The following PLEKHM3 variants were observed in gnomAD, a reference collection of about 807,000 sequenced individuals.
The protein encoded by PLEKHM3 is pleckstrin homology domain-containing family M member 3.
In PLEKHM3, 45 loss-of-function variants were observed where a neutral mutation model predicts 81.8. That is an observed-to-expected ratio of 0.55 (90% confidence interval 0.43 to 0.71). PLEKHM3 has a LOEUF of 0.71. PLEKHM3 is among the 30% of genes least tolerant of loss of function. The probability of loss-of-function intolerance (pLI) is 0.00; values close to 1 mark genes in which losing one functional copy is unlikely to be tolerated. For synonymous variants in PLEKHM3, 352 were observed against 356.4 expected, an observed-to-expected ratio of 0.99 and a Z score of 0.14; for missense variants, 788 against 924.3, an observed-to-expected ratio of 0.85 and a Z score of 1.91.
At chr2:207,963,315 T>C (rs1286377223) in intron 3 of PLEKHM3, among the ~76,000 whole-genome samples, 1 of 151,966 alleles carries the variant, frequency 6.6e-6, no homozygotes, top group African/African-American at 2.4e-5. Flanking sequence ...TGGAACAGTG[T>C]GTAAGGGAGA....
chr2:207,930,846 C>A, intron 5 of PLEKHM3, 80 bp downstream of exon 5: 2 of 1,504,768 alleles, frequency 1.3e-6, no homozygotes, highest in Non-Finnish European at 1.8e-6. Flanking sequence ...GCTGGAAAGG[C>A]CCTTTGGAGA....
intron 1 of PLEKHM3, among the ~76,000 whole-genome samples, chr2:208,014,354 G>A (rs1245462679): frequency 6.6e-6 from 1 of 152,216 alleles, no homozygotes; most frequent in Non-Finnish European, 1.5e-5. Flanking sequence ...GATAAGAATA[G>A]TAGGAACTGG....
chr2:207,890,187 T>C (rs1261606359), intron 6 of PLEKHM3, among the ~76,000 whole-genome samples: 4 of 152,224 alleles, frequency 2.6e-5, no homozygotes, highest in Non-Finnish European at 4.4e-5. Context: ...GTATAAATTA[T>C]AGAGCATCCT....
At chr2:207,885,789 A>G (rs1170842046) in intron 6 of PLEKHM3, among the ~76,000 whole-genome samples, 1 of 152,246 alleles carries the variant, frequency 6.6e-6, no homozygotes, top group Non-Finnish European at 1.5e-5. Flanking sequence ...TTAGGATTGC[A>G]GTTCTGATAG....
intron 5 of PLEKHM3, among the ~76,000 whole-genome samples, chr2:207,920,532 C>T (rs1574406886): frequency 6.6e-6 from 1 of 151,972 alleles, no homozygotes; most frequent in East Asian, 1.9e-4. Flanking sequence ...GTCCAAACAG[C>T]TGGTGTCAGT....
chr2:207,955,484 C>T (rs568474556), intron 3 of PLEKHM3, among the ~76,000 whole-genome samples: 2 of 152,190 alleles, frequency 1.3e-5, no homozygotes, highest in African/African-American at 2.4e-5. Flanking sequence ...GACAGGCTTA[C>T]TATAAGCCAG....
chr2:207,880,574 T>C (rs1248486079), intron 6 of PLEKHM3, among the ~76,000 whole-genome samples: 2 of 148,968 alleles, frequency 1.3e-5, no homozygotes, highest in Non-Finnish European at 3.0e-5. Flanking sequence ...CCATCTTGGC[T>C]AACACGGTGA....
At position 207,976,158 on chromosome 2, in the gene PLEKHM3, A is replaced by AT. The variant is rs549253139; in HGVS notation, c.1546+492dup. On this transcript the variant is annotated intron_variant, in intron 3 of 7. Coordinates refer to ENST00000427836, the MANE Select transcript of PLEKHM3 (RefSeq NM_001080475.3). This position sits in a 1 kb window ranked among gnomAD's most constrained non-coding sequence, Gnocchi z 4.1. ...ACCCCCACATTTTCTGTCAAGACTGATTTTCTAGATTTCACCTTAAGACGA... is the reference window on the plus strand; with the variant it reads ...ACCCCCACATTTTCTGTCAAGACTGATTTTTCTAGATTTCACCTTAAGACGA... Among the ~76,000 whole-genome samples, 8 of 152,194 alleles carry AT rather than the reference A, an allele frequency of 5.3e-5. No homozygotes were observed. The South Asian group carries it at 1.0e-3, about 20-fold the overall frequency.
At chr2:207,923,502 G>A (rs900642746) in intron 5 of PLEKHM3, among the ~76,000 whole-genome samples, 1 of 152,078 alleles carries the variant, frequency 6.6e-6, no homozygotes, top group Non-Finnish European at 1.5e-5. Flanking sequence ...AGCTACTCGG[G>A]AGGCTGAGGC....
At chr2:207,964,417 G>A (rs1690845280) in intron 3 of PLEKHM3, among the ~76,000 whole-genome samples, 1 of 152,166 alleles carries the variant, frequency 6.6e-6, no homozygotes, top group African/African-American at 2.4e-5. Context: ...TCCTGGGGTA[G>A]ACACACTGGT....
chr2:207,925,127 G>C (rs533605116), intron 5 of PLEKHM3, among the ~76,000 whole-genome samples: 1 of 149,910 alleles, frequency 6.7e-6, no homozygotes, highest in East Asian at 1.9e-4. Flanking sequence ...AGTATGAACA[G>C]GGTTGTTTTT....
intron 6 of PLEKHM3, among the ~76,000 whole-genome samples, chr2:207,891,162 T>A (rs368193867): frequency 6.6e-6 from 1 of 152,178 alleles, no homozygotes; most frequent in South Asian, 2.1e-4. Context: ...CTCAAGGTGT[T>A]CTTGCTATCC....
intron 7 of PLEKHM3, among the ~76,000 whole-genome samples, chr2:207,848,818 C>T (rs1039106305): frequency 1.3e-5 from 2 of 152,226 alleles, no homozygotes; most frequent in Non-Finnish European, 2.9e-5. Context: ...TCTCCATGTT[C>T]TTCAGGACAA....
intron 2 of PLEKHM3, among the ~76,000 whole-genome samples, chr2:207,995,950 G>T (rs548390896): frequency 6.6e-6 from 1 of 152,278 alleles, no homozygotes; most frequent in South Asian, 2.1e-4. Context: ...AGTTGAAAAC[G>T]TTATAAAATT....
chr2:208,011,051 G>A (rs1043393815), intron 1 of PLEKHM3, among the ~76,000 whole-genome samples: 1 of 121,838 alleles, frequency 8.2e-6, no homozygotes, highest in Admixed American at 9.5e-5. Context: ...ACTCCTGCAA[G>A]AATGGCCATA....
chr2:207,931,060 G>T lies in PLEKHM3; in HGVS notation c.1752C>A (p.Ile584=). The T allele has an allele frequency of 6.2e-7, 1 of 1,614,088 alleles. No individual in the cohort carries two copies. Residue 584 remains isoleucine, a synonymous_variant, in exon 5 of 8, where the codon ATC becomes ATA. Transcript: ENST00000427836. ...EYVYEEPLID[I]QQENAMLYHH... is the part of the protein sequence containing the mutation. Reference sequence around the variant, plus strand: ...GGTACAGCATGGCGTTCTCCTGCTGGATGTCGATGAGCGGCTCTTCGTACA... The same window carrying T: ...GGTACAGCATGGCGTTCTCCTGCTGTATGTCGATGAGCGGCTCTTCGTACA...
At chr2:207,972,243 C>T (rs1035395692) in intron 3 of PLEKHM3, among the ~76,000 whole-genome samples, 1 of 149,846 alleles carries the variant, frequency 6.7e-6, no homozygotes, top group African/African-American at 2.5e-5. Context: ...TGTAAGGGTC[C>T]TAGAGGTAGG....
chr2:207,872,460 C>T (rs1250356348), intron 6 of PLEKHM3, among the ~76,000 whole-genome samples: 2 of 152,154 alleles, frequency 1.3e-5, no homozygotes, highest in Non-Finnish European at 2.9e-5. Flanking sequence ...TGATCTTTAA[C>T]AGCATCTTAT....
intron 3 of PLEKHM3, among the ~76,000 whole-genome samples, chr2:207,957,141 G>T (rs1263326245): frequency 6.6e-6 from 1 of 151,990 alleles, no homozygotes; most frequent in Non-Finnish European, 1.5e-5. Context: ...AGGTGGTTTG[G>T]GGGAGAAAAT....
Sources: gnomAD v4.1 joint callset for allele counts (sites outside exome capture counted in the v4.1 genomes callset) on GRCh38, gnomAD v4.1.1 for gene constraint, Gnocchi (gnomAD v3.1) non-coding constraint, MANE v1.5 for transcripts, NCBI Gene and HGNC (gene_info 2026-07-23, HGNC 2026-07-21) for gene names.